NTNG1: variants seen among roughly 807,000 people sequenced by gnomAD.
The protein encoded by NTNG1 is netrin-G1.
NTNG1 carries 16 observed loss-of-function variants against 54.0 expected under a neutral mutation model. The ratio of observed to expected loss-of-function variants is 0.30; its 90% confidence interval spans 0.20 to 0.45. The LOEUF is 0.45. Ranked by LOEUF, NTNG1 falls within the 20% of genes least tolerant of loss-of-function variation. The pLI, the probability that NTNG1 is intolerant of heterozygous loss-of-function variation, is 1.00. For missense variants in NTNG1, 530 were observed against 678.7 expected (o/e 0.78, Z 2.43); for synonymous variants, 255 against 263.1 (o/e 0.97, Z 0.30).
In NTNG1 at chr1:107,484,292, A is replaced by G. The variant is rs1225275290; in HGVS notation, c.*3452A>G. 7.9e-5 allele frequency among the ~76,000 whole-genome samples: 12 copies of G among 152,206 alleles called. No individual in the cohort carries two copies. The highest frequency in any genetic ancestry group is 7.3e-5 in the Non-Finnish European group (5 of 68,036). ...GATGAGGGGTAGGAAGGAGATAGAC[A>G]AGGGCTACCACGAGGCTGGGGGCCA... On this transcript the variant is annotated 3_prime_UTR_variant, in exon 8 of 8. Coordinates refer to ENST00000370068, the MANE Select transcript of NTNG1 (RefSeq NM_001113226.3).
At position 107,395,807 on chromosome 1, in the gene NTNG1, C is replaced by T. The variant is rs76195681; in HGVS notation, c.1060+481C>T. ...AGTTTTAGCTAGGACCTAACTTTGC[C>T]TTGTGAAAAGTTTGGCTGTTTCCAA... On this transcript the variant is annotated intron_variant, in intron 4 of 7. Coordinates refer to ENST00000370068, the MANE Select transcript of NTNG1 (RefSeq NM_001113226.3). Among the ~76,000 whole-genome samples, 20 of 152,262 alleles carry T rather than the reference C, an allele frequency of 1.3e-4. No individual in the cohort carries two copies. In the East Asian group the frequency reaches 3.7e-3, roughly 28 times the overall value.
At chr1:107,464,455 C>T (rs1365145905) in intron 7 of NTNG1, among the ~76,000 whole-genome samples, 2 of 152,114 alleles carry the variant, frequency 1.3e-5, no homozygotes, top group African/African-American at 4.8e-5. Flanking sequence ...ATGAGTAACT[C>T]AGACATATAT....
Position 107,416,738 on chromosome 1 carries a change from A to G in NTNG1, c.1087+9030A>G, listed in dbSNP as rs1336275404. 7.9e-5 allele frequency among the ~76,000 whole-genome samples: 12 copies of G among 152,176 alleles called. No individual in the cohort carries two copies. In the South Asian group the frequency reaches 2.5e-3, roughly 32 times the overall value. On this transcript the variant is annotated intron_variant, in intron 5 of 7. Coordinates refer to ENST00000370068, the MANE Select transcript of NTNG1 (RefSeq NM_001113226.3). ...TTAAATTTCTTGGCAAAGCTCAATA[A>G]CAAAATAATAAATCATACCAGTACT...
intron 3 of NTNG1, among the ~76,000 whole-genome samples, chr1:107,332,620 A>G (rs1207980306): frequency 1.3e-5 from 2 of 151,994 alleles, no homozygotes; most frequent in African/African-American, 4.8e-5. Flanking sequence ...CCATTGTTTG[A>G]TACTTAGTGC....
At chr1:107,246,472 A>G (rs1468312202) in intron 2 of NTNG1, among the ~76,000 whole-genome samples, 1 of 151,892 alleles carries the variant, frequency 6.6e-6, no homozygotes, top group Admixed American at 6.6e-5. Context: ...TTTAAATGAT[A>G]CTATTATAAA....
At chr1:107,180,259 A>T (rs1388342774) in intron 2 of NTNG1, among the ~76,000 whole-genome samples, 1 of 152,182 alleles carries the variant, frequency 6.6e-6, no homozygotes, top group Non-Finnish European at 1.5e-5. Context: ...CCTTTTACTT[A>T]GTAAGCATAA....
intron 2 of NTNG1, among the ~76,000 whole-genome samples, chr1:107,229,984 G>C (rs935182655): frequency 1.3e-5 from 2 of 152,064 alleles, no homozygotes; most frequent in African/African-American, 2.4e-5. Flanking sequence ...TAGAAACACT[G>C]TTCTGTGGTT....
chr1:107,284,778 G>A (rs1430842921), intron 2 of NTNG1, among the ~76,000 whole-genome samples: 5 of 152,032 alleles, frequency 3.3e-5, no homozygotes, highest in South Asian at 2.1e-4. Context: ...ACAGTATTTT[G>A]CATATTCCAA....
intron 2 of NTNG1, among the ~76,000 whole-genome samples, chr1:107,286,278 A>G (rs1044594983): frequency 3.9e-4 from 59 of 152,150 alleles, no homozygotes; most frequent in Admixed American, 3.9e-3. Flanking sequence ...TACTTGCTAA[A>G]TGAGTAAGAT....
intron 7 of NTNG1, among the ~76,000 whole-genome samples, chr1:107,445,043 T>C (rs1184634088): frequency 6.6e-6 from 1 of 152,156 alleles, no homozygotes; most frequent in Non-Finnish European, 1.5e-5. Context: ...AGGGCCATCC[T>C]ACTTGAAACT....
rs72987580 is a variant in NTNG1 at position 107,449,414 on chromosome 1, A to G, written c.1390+12615A>G. On this transcript the variant is annotated intron_variant, in intron 7 of 7. Coordinates refer to ENST00000370068, the MANE Select transcript of NTNG1 (RefSeq NM_001113226.3). ...ACATGCAGCCAGGATTGAGGACTACATATTTAGCAATTATACATTTTCGGA... is the reference window on the plus strand; with the variant it reads ...ACATGCAGCCAGGATTGAGGACTACGTATTTAGCAATTATACATTTTCGGA... Among the ~76,000 whole-genome samples the G allele has an allele frequency of 5.8e-3, 884 of 152,164 alleles. 6 individuals are homozygous for G. Among genetic ancestry groups the G allele is most frequent in the African/African-American group, 0.02 (817 of 41,536 alleles).
chr1:107,317,019 TG>T (rs1667373782), intron 2 of NTNG1, among the ~76,000 whole-genome samples: 1 of 152,186 alleles, frequency 6.6e-6, no homozygotes, highest in Admixed American at 6.5e-5. Context: ...AGAATGCTTT[TG>T]GTCTTAACAT....
rs146986669 is a variant in NTNG1 at position 107,342,726 on chromosome 1, G to A, written c.887+17804G>A. 1.4e-3 allele frequency among the ~76,000 whole-genome samples: 212 copies of A among 152,110 alleles called. 1 individual carries two copies. The highest frequency in any genetic ancestry group is 4.7e-3 in the African/African-American group (197 of 41,520). ...CTCCAAGTTCATCACTAAAACACTC[G>A]TAACACAGTCTGTGCTGTTTTAAAC... is the stretch of plus-strand genomic sequence containing the variant. On this transcript the variant is annotated intron_variant, in intron 3 of 7. Transcript: ENST00000370068.
intron 2 of NTNG1, among the ~76,000 whole-genome samples, chr1:107,205,492 T>C (rs746741397): frequency 3.9e-5 from 6 of 152,192 alleles, no homozygotes; most frequent in South Asian, 2.1e-4. Flanking sequence ...ATAATTTTTA[T>C]AAGTATATAT....
intron 3 of NTNG1, among the ~76,000 whole-genome samples, chr1:107,349,671 T>C (rs917466551): frequency 2.6e-5 from 4 of 152,196 alleles, no homozygotes; most frequent in African/African-American, 9.7e-5. Flanking sequence ...ACATGGATAC[T>C]TATCCCTAAA....
At chr1:107,392,998 C>T (rs1672459541) in intron 3 of NTNG1, among the ~76,000 whole-genome samples, 1 of 152,062 alleles carries the variant, frequency 6.6e-6, no homozygotes, top group Non-Finnish European at 1.5e-5. Context: ...TGGAAGAAAT[C>T]TGAGAAAAAA....
At chr1:107,454,466 A>C (rs1318274807) in intron 7 of NTNG1, among the ~76,000 whole-genome samples, 1 of 152,150 alleles carries the variant, frequency 6.6e-6, no homozygotes, top group East Asian at 1.9e-4. Context: ...CATAGGCCTA[A>C]GATGTTAACG....
chr1:107,361,376 TATATATATATATATA>T (rs1670281055), intron 3 of NTNG1, among the ~76,000 whole-genome samples: 5 of 45,962 alleles, frequency 1.1e-4, no homozygotes, highest in African/African-American at 2.1e-4. Flanking sequence ...TATATATACA[TATATATATATATATA>T]TTTTTTTTTT....
chr1:107,396,283 A>G (rs1672679356), intron 4 of NTNG1, among the ~76,000 whole-genome samples: 2 of 152,286 alleles, frequency 1.3e-5, no homozygotes, highest in South Asian at 2.1e-4. Context: ...ACTTCAAAGC[A>G]GCAGCTGTGA....
Sources: allele counts gnomAD v4.1 joint callset (sites outside exome capture counted in the v4.1 genomes callset), GRCh38; gene constraint gnomAD v4.1.1; transcripts MANE v1.5; gene names NCBI Gene and HGNC (gene_info 2026-07-23, HGNC 2026-07-21).